Variants in ERAP2 observed in about 807,000 individuals in gnomAD.
ERAP2 encodes the protein leukocyte-derived arginine aminopeptidase.
In ERAP2, 118 loss-of-function variants were observed where a neutral mutation model predicts 111.1. The ratio of observed to expected loss-of-function variants is 1.06; its 90% CI spans 0.92 to 1.24. ERAP2 has a LOEUF of 1.24. Among genes scored for constraint, ERAP2 ranks in the 50% most tolerant of loss-of-function variants. The pLI is 0.00. For missense variants in ERAP2, 1,131 were observed against 1,125.8 expected, an observed-to-expected ratio of 1.00 and a Z score of -0.07; for synonymous variants, 410 against 401.2, an observed-to-expected ratio of 1.02 and a Z score of -0.26.
In ERAP2 at chr5:96,904,829, C is replaced by T. The variant is rs532405712; in HGVS notation, c.2012+1269C>T. 1.1e-4 allele frequency among the ~76,000 whole-genome samples: 16 copies of T among 152,280 alleles called. No homozygotes were observed. In the East Asian group the frequency reaches 1.9e-3, roughly 18 times the overall value. On this transcript the variant is annotated intron_variant, in intron 13 of 18. Transcript: ENST00000437043. ...TCTAAATTTAGTAGGAGGAAATTTG[C>T]AGTTATTGATGCATTGGTGGAAAAC...
chr5:96,889,543 G>T, intron 5 of ERAP2: 1 of 689,684 alleles, frequency 1.4e-6, no homozygotes. Context: ...TAACATATCT[G>T]CATCGAACTC....
At chr5:96,913,648 AAGGGAATGGG>A (rs1787048027) in intron 17 of ERAP2, among the ~76,000 whole-genome samples, 191 bp downstream of exon 17, 1 of 152,182 alleles carries the variant, frequency 6.6e-6, no homozygotes, top group Non-Finnish European at 1.5e-5. Context: ...ACATGAGAAT[AAGGGAATGGG>A]AAACAGCCTT....
At chr5:96,887,538 G>C (rs1180560615) in intron 4 of ERAP2, among the ~76,000 whole-genome samples, 2 of 152,084 alleles carry the variant, frequency 1.3e-5, no homozygotes, top group Non-Finnish European at 2.9e-5. Flanking sequence ...GACCTCAGGT[G>C]ATCCTCCTGC....
chr5:96,879,485 T>C (rs1231907832), intron 1 of ERAP2, 79 bp from the exon 2 acceptor site: 4 of 531,788 alleles, frequency 7.5e-6, no homozygotes, highest in African/African-American at 3.8e-5. Flanking sequence ...TACTCACACA[T>C]ACCTTTTTAC....
At chr5:96,894,482 A>T (rs1298200671) in intron 6 of ERAP2, among the ~76,000 whole-genome samples, 1 of 150,890 alleles carries the variant, frequency 6.6e-6, no homozygotes, top group Non-Finnish European at 1.5e-5. Context: ...CCGTCTAGAG[A>T]TTTTAATCTT....
At chr5:96,916,986 T>A in intron 18 of ERAP2, among the ~76,000 whole-genome samples, 1 of 152,156 alleles carries the variant, frequency 6.6e-6, no homozygotes, top group East Asian at 1.9e-4. Context: ...TGTTTGAAAA[T>A]AAAGTGAACA....
In ERAP2 at chr5:96,879,569, A is replaced by C; in HGVS notation, c.-117A>C. ...AGTGTGTTTTTTTCTTCTAGATTAA[A>C]TTCATGTATTGAAAATATTGTTCAG... On this transcript the variant is annotated 5_prime_UTR_variant, in exon 2 of 19. Transcript: ENST00000437043. 1 of 707,768 alleles carries C rather than the reference A, an allele frequency of 1.4e-6. No individual in the cohort carries two copies. Among genetic ancestry groups the C allele is most frequent in the South Asian group, 2.0e-5 (1 of 49,382 alleles). 43.8% of individuals were successfully genotyped at this position (707,768 alleles called of 1,614,324 possible).
chr5:96,911,125 G>A (rs189698022), intron 15 of ERAP2, among the ~76,000 whole-genome samples: 7 of 152,210 alleles, frequency 4.6e-5, no homozygotes, highest in Admixed American at 4.6e-4. Context: ...TCTGCAAATG[G>A]CAAATTATGT....
Position 96,896,486 on chromosome 5 carries a change from T to C in ERAP2, c.1353T>C (p.Asp451=), listed in dbSNP as rs780462203. ...ETPTQIQEMF[D]EVSYNKGACI... is the part of the protein sequence containing the mutation. The stretch of plus-strand genomic sequence containing the variant: ...CGACTCAAATACAGGAAATGTTTGA[T>C]GAAGTTTCCTATAACAAGGTAGTAA... The change falls in exon 8 of 19, where the codon GAT becomes GAC. Residue 451 remains aspartate, a synonymous_variant. Transcript: ENST00000437043. The C allele has an allele frequency of 1.6e-5, 26 of 1,613,336 alleles. No homozygotes were observed. Among genetic ancestry groups the C allele is most frequent in the Non-Finnish European group, 2.2e-5 (26 of 1,179,642 alleles).
Position 96,918,307 on chromosome 5 carries a change from T to C in ERAP2, c.*702T>C, listed in dbSNP as rs1256142895. On this transcript the variant is annotated 3_prime_UTR_variant, in exon 19 of 19. Transcript: ENST00000437043. Reference sequence around the variant, plus strand: ...CTTTAATTTTTTTAACCTTGCTTAGTATTCTATAGTTTGCCCAACCAGTTT... The same window carrying C: ...CTTTAATTTTTTTAACCTTGCTTAGCATTCTATAGTTTGCCCAACCAGTTT... 6.6e-6 allele frequency: 1 copy of C among 152,308 alleles called. No homozygotes were observed. The highest frequency in any genetic ancestry group is 2.4e-5 in the African/African-American group (1 of 41,462). 9.4% of individuals were successfully genotyped at this position (152,308 alleles called of 1,614,324 possible).
intron 17 of ERAP2, among the ~76,000 whole-genome samples, chr5:96,915,234 C>T (rs1230205350): frequency 1.3e-5 from 2 of 152,122 alleles, no homozygotes; most frequent in Admixed American, 1.3e-4. Flanking sequence ...GTCTCAAACT[C>T]CTGACCTCAG....
chr5:96,895,014 G>A (rs1784724666), intron 6 of ERAP2, among the ~76,000 whole-genome samples: 1 of 151,742 alleles, frequency 6.6e-6, no homozygotes, highest in Non-Finnish European at 1.5e-5. Flanking sequence ...AAGAGTTAAG[G>A]GCATTGAGAA....
intron 13 of ERAP2, among the ~76,000 whole-genome samples, chr5:96,905,466 AAAGT>A (rs1425540399): frequency 6.6e-6 from 1 of 152,236 alleles, no homozygotes; most frequent in Non-Finnish European, 1.5e-5. Flanking sequence ...ATTTATAACA[AAAGT>A]AATTGTATAA....
chr5:96,899,973 CT>C (rs1231496926), intron 9 of ERAP2, 147 bp from the exon 10 acceptor site: 52 of 958,336 alleles, frequency 5.4e-5, no homozygotes, highest in South Asian at 3.8e-4. Context: ...GCAAACATGC[CT>C]TTTTTTCCAT....
intron 14 of ERAP2, among the ~76,000 whole-genome samples, chr5:96,909,360 C>T (rs1786454361): frequency 6.6e-6 from 1 of 152,192 alleles, no homozygotes; most frequent in African/African-American, 2.4e-5. Context: ...CATTGATATT[C>T]CCCTTTCAGA....
Position 96,895,299 on chromosome 5 carries a change from G to A in ERAP2, c.1179G>A (p.Glu393=). The part of the protein sequence containing the change: ...MEWWNDIWLK[E]GFAKYMELIA... ...GGTGGAATGATATTTGGCTTAAGGA[G>A]GGTTTTGCAAAATACATGGAACTTA... Residue 393 remains glutamate, a synonymous_variant, in exon 7 of 19, where the codon GAG becomes GAA. Coordinates refer to ENST00000437043, the MANE Select transcript of ERAP2 (RefSeq NM_022350.5). 2 of 1,612,972 alleles carry A rather than the reference G, an allele frequency of 1.2e-6. No homozygotes were observed. The highest frequency in any genetic ancestry group is 1.3e-5 in the African/African-American group (1 of 74,978).
At chr5:96,892,682 C>T (rs1426921606) in intron 6 of ERAP2, among the ~76,000 whole-genome samples, 2 of 152,092 alleles carry the variant, frequency 1.3e-5, no homozygotes, top group African/African-American at 4.8e-5. Flanking sequence ...CCTCTAAAAC[C>T]TTTCAAAGCA....
chr5:96,912,792 T>C lies in ERAP2; in HGVS notation c.2510T>C (p.Leu837Ser), dbSNP rs142362923. 1.1e-3 allele frequency: 1,746 copies of C among 1,595,570 alleles called. 23 individuals are homozygous for C. In the Admixed American group the frequency reaches 0.017, roughly 16 times the overall value. The stretch of plus-strand genomic sequence containing the variant: ...TCAACGAGCAAGCATCAGGAAAAGT[T>C]ACTGAAGTAAGTTCAATAATTTAAC... Reference protein sequence around the residue: ...ALSTSKHQEKLLKLIELGMEG... With the variant: ...ALSTSKHQEKSLKLIELGMEG... The change falls in exon 16 of 19, where the codon TTA becomes TCA. Residue 837 changes from leucine (L) to serine (S), a missense_variant. Physicochemically the swap from Leu to Ser is moderately radical, Grantham distance 145. Transcript: ENST00000437043.
chr5:96,889,297 C>T lies in ERAP2; in HGVS notation c.962C>T (p.Ser321Phe). The T allele has an allele frequency of 6.2e-7, 1 of 1,614,054 alleles. No homozygotes were observed. The highest frequency in any genetic ancestry group is 8.5e-7 in the Non-Finnish European group (1 of 1,179,940). ...TACTTTGATATCTACTATCCACTCT[C>T]CAAACTGGGTATGTTCAAATTCCAC... is the stretch of plus-strand genomic sequence containing the variant. ...EKYFDIYYPL[S>F]KLDLIAIPDF... Residue 321 changes from serine (S) to phenylalanine (F), a missense_variant, in exon 5 of 19, where the codon TCC becomes TTC. This residue lies in a region of ERAP2 where 847 missense variants were observed against 856.5 expected (regional missense o/e 0.99). Coordinates refer to ENST00000437043, the MANE Select transcript of ERAP2 (RefSeq NM_022350.5).
Sources: gnomAD v4.1 joint callset for allele counts (sites outside exome capture counted in the v4.1 genomes callset) on GRCh38, gnomAD v4.1.1 for gene constraint, gnomAD v4.1.1 regional missense constraint, MANE v1.5 for transcripts, NCBI Gene and HGNC (gene_info 2026-07-23, HGNC 2026-07-21) for gene names.